CTNNA3: variants seen among roughly 807,000 people sequenced by gnomAD.
CTNNA3 encodes the protein catenin alpha-3.
CTNNA3 carries 76 observed loss-of-function variants against 95.7 expected under a neutral mutation model. The ratio of observed to expected loss-of-function variants is 0.79; its 90% CI spans 0.66 to 0.96. CTNNA3 has a LOEUF of 0.96. Among genes scored for constraint, CTNNA3 ranks in the 40% least tolerant of loss-of-function variants. CTNNA3 has a pLI of 0.00. For missense variants in CTNNA3, 1,191 were observed against 1,089.8 expected (o/e 1.09, Z -1.31); for synonymous variants, 431 against 374.4 (o/e 1.15, Z -1.74).
intron 7 of CTNNA3, chr10:66,928,204 T>A (rs767240902): frequency 6.2e-7 from 1 of 1,614,110 alleles, no homozygotes; most frequent in Non-Finnish European, 8.5e-7. Flanking sequence ...GCTTTTCCTG[T>A]CCGTGCTCGT....
At chr10:67,125,138 C>T (rs961314186) in intron 7 of CTNNA3, among the ~76,000 whole-genome samples, 4 of 152,122 alleles carry the variant, frequency 2.6e-5, no homozygotes, top group African/African-American at 9.7e-5. Context: ...ATAAATATTA[C>T]TAATTTTATG....
intron 5 of CTNNA3, among the ~76,000 whole-genome samples, chr10:67,353,580 A>T (rs1437228074): frequency 1.3e-5 from 2 of 152,002 alleles, no homozygotes; most frequent in African/African-American, 4.8e-5. Flanking sequence ...AACAACTGAG[A>T]ATTGTTACAA....
chr10:66,610,065 A>T (rs10762078), intron 10 of CTNNA3, among the ~76,000 whole-genome samples: 11,137 of 152,196 alleles, frequency 0.073, 731 homozygotes, highest in East Asian at 0.35. Context: ...AGATGGACAC[A>T]TAGAGGGAAA....
intron 13 of CTNNA3, among the ~76,000 whole-genome samples, chr10:66,192,635 T>C (rs1371055239): frequency 6.6e-6 from 1 of 152,192 alleles, no homozygotes; most frequent in Non-Finnish European, 1.5e-5. Flanking sequence ...CTCCCATTTC[T>C]AGTTTCACTA....
chr10:67,385,072 C>CA (rs879590454), intron 5 of CTNNA3, among the ~76,000 whole-genome samples: 2 of 150,148 alleles, frequency 1.3e-5, no homozygotes, highest in African/African-American at 2.5e-5. Flanking sequence ...TGAATGCTAC[C>CA]AAAAAAGGGC....
At chr10:65,926,595 G>A (rs113462967) in intron 17 of CTNNA3, among the ~76,000 whole-genome samples, 3,327 of 151,574 alleles carry the variant, frequency 0.022, 125 homozygotes, top group African/African-American at 0.077. Flanking sequence ...TCCTGCCTCA[G>A]CCTACCAAGT....
intron 5 of CTNNA3, among the ~76,000 whole-genome samples, chr10:67,268,824 G>C (rs560020303): frequency 4.8e-4 from 73 of 152,042 alleles, no homozygotes; most frequent in African/African-American, 1.4e-3. Context: ...GCTTTGTTGG[G>C]GATAAAAGTT....
intron 9 of CTNNA3, among the ~76,000 whole-genome samples, chr10:66,735,935 C>T (rs1849120557): frequency 6.6e-6 from 1 of 152,118 alleles, no homozygotes; most frequent in African/African-American, 2.4e-5. Flanking sequence ...TCCATGTGTC[C>T]CTCTCCACGT....
intron 5 of CTNNA3, among the ~76,000 whole-genome samples, chr10:67,296,268 C>A (rs1840026818): frequency 1.3e-5 from 2 of 152,134 alleles, no homozygotes; most frequent in African/African-American, 4.8e-5. Context: ...CATAGCCTAA[C>A]AGAGCATTAT....
chr10:66,696,112 A>G (rs749101893), intron 9 of CTNNA3, among the ~76,000 whole-genome samples: 4 of 152,184 alleles, frequency 2.6e-5, no homozygotes, highest in Non-Finnish European at 5.9e-5. Context: ...AATGTCAGGT[A>G]CAGCAAAGCA....
chr10:66,736,371 T>G (rs1849142654), intron 9 of CTNNA3, among the ~76,000 whole-genome samples: 1 of 151,662 alleles, frequency 6.6e-6, no homozygotes, highest in Non-Finnish European at 1.5e-5. Flanking sequence ...TTTTTTAATT[T>G]TAGTGGAGAC....
intron 5 of CTNNA3, among the ~76,000 whole-genome samples, chr10:67,504,072 G>C (rs1423715241): frequency 2.0e-5 from 3 of 151,602 alleles, no homozygotes; most frequent in Non-Finnish European, 4.4e-5. Context: ...CAGGAGAATG[G>C]TGTGAACCCA....
chr10:66,226,446 T>C (rs557448931), intron 13 of CTNNA3, among the ~76,000 whole-genome samples: 70 of 152,308 alleles, frequency 4.6e-4, no homozygotes, highest in African/African-American at 1.6e-3. Flanking sequence ...ACTGCTTTGA[T>C]TACTATAGAT....
chr10:67,613,980 A>G (rs917828365), intron 2 of CTNNA3, among the ~76,000 whole-genome samples: 1 of 152,216 alleles, frequency 6.6e-6, no homozygotes, highest in Admixed American at 6.5e-5. Context: ...TAAAGATGGC[A>G]TGGACCCAAA....
intron 7 of CTNNA3, among the ~76,000 whole-genome samples, chr10:67,069,933 A>C (rs2131844248): frequency 1.3e-5 from 2 of 152,264 alleles, no homozygotes; most frequent in South Asian, 4.1e-4. Flanking sequence ...TATATCTAGA[A>C]GTAGAATTAC....
chr10:66,207,048 G>A (rs997741008), intron 13 of CTNNA3, among the ~76,000 whole-genome samples: 19 of 151,444 alleles, frequency 1.3e-4, no homozygotes, highest in African/African-American at 4.4e-4. Flanking sequence ...CTCAGAACTG[G>A]GTATGATTCA....
intron 13 of CTNNA3, among the ~76,000 whole-genome samples, chr10:66,165,994 C>CAAGGA (rs2085107045): frequency 6.6e-6 from 1 of 151,976 alleles, no homozygotes; most frequent in Non-Finnish European, 1.5e-5. Context: ...TCTTGAACTC[C>CAAGGA]TGACCTTGTG....
chr10:65,961,409 G>A (rs1901665), intron 17 of CTNNA3, among the ~76,000 whole-genome samples: 1,666 of 152,154 alleles, frequency 0.011, 100 homozygotes, highest in Admixed American at 0.089. Flanking sequence ...TACTTTTAAG[G>A]CTAAGCCAAC....
intron 7 of CTNNA3, among the ~76,000 whole-genome samples, chr10:66,812,768 A>C (rs10822920): frequency 0.53 from 80,560 of 151,832 alleles, 22,306 homozygotes; most frequent in East Asian, 0.76. Context: ...ATCACTAACA[A>C]TGGTTTGCAT....
Sources: gnomAD v4.1 joint callset for allele counts (sites outside exome capture counted in the v4.1 genomes callset) on GRCh38, gnomAD v4.1.1 for gene constraint, MANE v1.5 for transcripts, NCBI Gene and HGNC (gene_info 2026-07-23, HGNC 2026-07-21) for gene names.